Variants in ZNF614 observed in about 807,000 individuals in gnomAD.
ZNF614 encodes the protein zinc finger protein 614.
ZNF614 carries 11 observed loss-of-function variants against 12.8 expected under a neutral mutation model. The observed-to-expected ratio is 0.86, with a 90% CI of 0.54 to 1.43. ZNF614 has a LOEUF of 1.43. Among genes scored for constraint, ZNF614 ranks in the 40% most tolerant of loss-of-function variants. The pLI is 0.00. For missense variants in ZNF614, 664 were observed against 708.8 expected (o/e 0.94, Z 0.72); for synonymous variants, 237 against 237.5 (o/e 1.00, Z 0.02).
At position 52,017,426 on chromosome 19, in the gene ZNF614, G is replaced by A. The variant is rs563303948; in HGVS notation, c.239-67C>T. ...ATGAGATAAAAATGCTTATGAGGCC[G>A]GGCACGGTGGCTCATGCCTGCAATC... is the stretch of plus-strand genomic sequence containing the variant. On this transcript the variant is annotated intron_variant, in intron 4 of 4. Transcript: ENST00000270649. The A allele has an allele frequency of 9.8e-6, 14 of 1,434,516 alleles. 1 individual carries two copies. The highest frequency in any genetic ancestry group is 2.0e-4 in the Middle Eastern group (1 of 5,038). 88.9% of individuals were successfully genotyped at this position (1,434,516 alleles called of 1,614,324 possible).
intron 2 of ZNF614, among the ~76,000 whole-genome samples, chr19:52,024,150 T>G (rs2086953861): frequency 6.6e-6 from 1 of 152,140 alleles, no homozygotes; most frequent in Admixed American, 6.6e-5. Flanking sequence ...CTTTTCCAAC[T>G]GGCCATTCCT....
At chr19:52,017,399 G>A in intron 4 of ZNF614, 40 bp from the exon 5 acceptor site, 1 of 1,535,924 alleles carries the variant, frequency 6.5e-7, no homozygotes, top group Non-Finnish European at 8.7e-7. Flanking sequence ...CATGAGAATT[G>A]TATGAGATAA....
chr19:52,021,513 G>C lies in ZNF614; in HGVS notation c.16-3019C>G, dbSNP rs566446475. Among the ~76,000 whole-genome samples the C allele has an allele frequency of 3.9e-5, 6 of 152,234 alleles. No homozygotes were observed. In the East Asian group the frequency reaches 7.7e-4, roughly 20 times the overall value. The stretch of plus-strand genomic sequence containing the variant: ...ATCTGTAATTACAGTACTTCCAGAG[G>C]AGAGTTTGAGCCCAGGAGTTTGAGA... On this transcript the variant is annotated intron_variant, in intron 2 of 4. Coordinates refer to ENST00000270649, the MANE Select transcript of ZNF614 (RefSeq NM_025040.4).
Position 52,013,415 on chromosome 19 carries a change from A to G in ZNF614, c.*2425T>C. ...GTGAATGGATAAACTACTACATCAA[A>G]TATGTATACTACTCTCAAATATAAA... is the stretch of plus-strand genomic sequence containing the variant. On this transcript the variant is annotated 3_prime_UTR_variant, in exon 5 of 5. Coordinates refer to ENST00000270649, the MANE Select transcript of ZNF614 (RefSeq NM_025040.4). 1 of 229,512 alleles carries G rather than the reference A, an allele frequency of 4.4e-6. No homozygotes were observed. Among genetic ancestry groups the G allele is most frequent in the Non-Finnish European group, 8.8e-6 (1 of 113,192 alleles). The allele number at this position is 229,512 out of a possible 1,614,324, so 14.2% of individuals were successfully genotyped here.
In ZNF614 at chr19:52,013,544, C is replaced by T. The variant is rs1410593221; in HGVS notation, c.*2296G>A. 6.6e-6 allele frequency: 1 copy of T among 151,944 alleles called. No individual in the cohort carries two copies. The highest frequency in any genetic ancestry group is 1.5e-5 in the Non-Finnish European group (1 of 68,026). 9.4% of individuals were successfully genotyped at this position (151,944 alleles called of 1,614,324 possible). A position where few individuals can be genotyped will look rare whatever the true frequency, so the allele number is the denominator to read the frequency against. On this transcript the variant is annotated 3_prime_UTR_variant, in exon 5 of 5. Coordinates refer to ENST00000270649, the MANE Select transcript of ZNF614 (RefSeq NM_025040.4). ...AGTAATTTGCTGAGTGACAAAAATG[C>T]CAAAAGCTTACATACTCTCTATCAA...
In ZNF614 at chr19:52,015,620, TA is replaced by T. The variant is rs997972784; in HGVS notation, c.*219del. 3.8e-5 allele frequency: 18 copies of T among 467,736 alleles called. No individual in the cohort carries two copies. The highest frequency in any genetic ancestry group is 2.9e-4 in the African/African-American group (15 of 51,032). 29.0% of individuals were successfully genotyped at this position (467,736 alleles called of 1,614,324 possible). A position where few individuals can be genotyped will look rare whatever the true frequency, so the allele number is the denominator to read the frequency against. On this transcript the variant is annotated 3_prime_UTR_variant, in exon 5 of 5. Transcript: ENST00000270649. The stretch of plus-strand genomic sequence containing the variant: ...ATTTTCATTGACAGAAAATATGAGG[TA>T]AAAGACCACTAAAGGCACTACCTTA...
chr19:52,024,837 T>C (rs1418608189), intron 2 of ZNF614, among the ~76,000 whole-genome samples: 2 of 152,146 alleles, frequency 1.3e-5, no homozygotes, highest in Admixed American at 6.5e-5. Context: ...TCTTCCCAAG[T>C]GATAGCCTGA....
At chr19:52,020,248 G>A (rs768547330) in intron 2 of ZNF614, among the ~76,000 whole-genome samples, 13 of 152,306 alleles carry the variant, frequency 8.5e-5, no homozygotes, top group Non-Finnish European at 1.6e-4. Flanking sequence ...CAACTCCAGC[G>A]AGCTGGCTAC....
chr19:52,018,217 G>C, intron 3 of ZNF614, 114 bp from the exon 4 acceptor site: 1 of 1,458,896 alleles, frequency 6.9e-7, no homozygotes, highest in Non-Finnish European at 9.6e-7. Flanking sequence ...TTCTGTCTTA[G>C]AAGAGATTAT....
At chr19:52,023,877 T>C (rs2086951396) in intron 2 of ZNF614, among the ~76,000 whole-genome samples, 1 of 152,120 alleles carries the variant, frequency 6.6e-6, no homozygotes, top group South Asian at 2.1e-4. Flanking sequence ...GGAACCAACC[T>C]TGTGACAGAC....
Position 52,015,834 on chromosome 19 carries a change from A to G in ZNF614, c.*6T>C, listed in dbSNP as rs199963700. ...CGGCACTAGTAGGGTTTTCTTCTGC[A>G]TGAGTTCACTTATAAGGAAGGAGCT... On this transcript the variant is annotated 3_prime_UTR_variant, in exon 5 of 5. Coordinates refer to ENST00000270649, the MANE Select transcript of ZNF614 (RefSeq NM_025040.4). 2 of 1,596,184 alleles carry G rather than the reference A, an allele frequency of 1.3e-6. No individual in the cohort carries two copies. Among genetic ancestry groups the G allele is most frequent in the African/African-American group, 1.3e-5 (1 of 74,154 alleles).
chr19:52,025,445 T>C (rs1483497165), intron 2 of ZNF614, among the ~76,000 whole-genome samples: 3 of 152,160 alleles, frequency 2.0e-5, no homozygotes, highest in South Asian at 2.1e-4. Context: ...CACCTTAGCC[T>C]CCCGAGTAGC....
chr19:52,017,950 T>C lies in ZNF614; in HGVS notation c.238+58A>G. The C allele has an allele frequency of 3.7e-6, 5 of 1,360,432 alleles. No homozygotes were observed. The South Asian group carries it at 6.0e-5, about 16-fold the overall frequency. The allele number at this position is 1,360,432 out of a possible 1,614,324, so 84.3% of individuals were successfully genotyped here. A position where few individuals can be genotyped will look rare whatever the true frequency, so the allele number is the denominator to read the frequency against. ...CAGATACTTCATATATGTGACACCT[T>C]TCCTTAATGACTACAATAAGACTCC... On this transcript the variant is annotated intron_variant, in intron 4 of 4. Transcript: ENST00000270649.
At position 52,017,203 on chromosome 19, in the gene ZNF614, A is replaced by G; in HGVS notation, c.395T>C (p.Leu132Ser). 6.2e-7 allele frequency: 1 copy of G among 1,614,170 alleles called. No homozygotes were observed. Among genetic ancestry groups the G allele is most frequent in the Non-Finnish European group, 8.5e-7 (1 of 1,180,040 alleles). The change falls in exon 5 of 5, where the codon TTG becomes TCG. Residue 132 changes from leucine to serine, a missense_variant. By Grantham distance (145) the Leu-to-Ser change is moderately radical (BLOSUM62 -2). Transcript: ENST00000270649. ...PIVQNHDTFD[L>S]YRKNLKSSLS... Reference sequence around the variant, plus strand: ...ACTTGATTTCAAATTTTTTCTGTACAAGTCAAATGTATCATGATTTTGCAC... The same window carrying G: ...ACTTGATTTCAAATTTTTTCTGTACGAGTCAAATGTATCATGATTTTGCAC...
chr19:52,019,020 T>C (rs1319362195), intron 2 of ZNF614, among the ~76,000 whole-genome samples: 1 of 152,118 alleles, frequency 6.6e-6, no homozygotes, highest in Admixed American at 6.6e-5. Flanking sequence ...AGGTGGATGC[T>C]ACTACCAATT....
chr19:52,017,246 T>C lies in ZNF614; in HGVS notation c.352A>G (p.Lys118Glu). The stretch of plus-strand genomic sequence containing the variant: ...TTTTGCACTATAGGAAAATGTGTCT[T>C]GCTGAGATGTACAATATTTCTAAGT... ...NTLRNIVHLS[K>E]THFPIVQNHD... The change falls in exon 5 of 5, where the codon AAG becomes GAG. Residue 118 changes from lysine (K) to glutamate (E), a missense_variant. By Grantham distance (56) the Lys-to-Glu change is moderately conservative (BLOSUM62 1). Coordinates refer to ENST00000270649, the MANE Select transcript of ZNF614 (RefSeq NM_025040.4). The C allele has an allele frequency of 1.2e-6, 2 of 1,614,128 alleles. No homozygotes were observed. The highest frequency in any genetic ancestry group is 2.2e-5 in the South Asian group (2 of 91,084).
chr19:52,017,068 G>A lies in ZNF614; in HGVS notation c.530C>T (p.Thr177Ile), dbSNP rs757845954. Residue 177 changes from threonine (T) to isoleucine (I), a missense_variant, in exon 5 of 5, where the codon ACT (threonine) becomes ATT (isoleucine). Coordinates refer to ENST00000270649, the MANE Select transcript of ZNF614 (RefSeq NM_025040.4). ...HGKHERTHTK[T>I]RFSENAKCIH... ...ACATTTTGCATTTTCAGAAAATCTAGTTTTAGTATGCGTACGTTCATGCTT... is the reference window on the plus strand; with the variant it reads ...ACATTTTGCATTTTCAGAAAATCTAATTTTAGTATGCGTACGTTCATGCTT... 1 of 1,614,116 alleles carries A rather than the reference G, an allele frequency of 6.2e-7. No homozygotes were observed. Among genetic ancestry groups the A allele is most frequent in the South Asian group, 1.1e-5 (1 of 91,082 alleles).
At chr19:52,026,920 C>A (rs1215929709) in intron 1 of ZNF614, among the ~76,000 whole-genome samples, 1 of 152,202 alleles carries the variant, frequency 6.6e-6, no homozygotes, top group Non-Finnish European at 1.5e-5. Flanking sequence ...CACATGTTTT[C>A]CTGCTGACCC....
At chr19:52,025,448 C>T (rs1600040175) in intron 2 of ZNF614, among the ~76,000 whole-genome samples, 2 of 152,036 alleles carry the variant, frequency 1.3e-5, no homozygotes, top group Non-Finnish European at 2.9e-5. Context: ...CTTAGCCTCC[C>T]GAGTAGCTGG....
Sources: allele counts gnomAD v4.1 joint callset (sites outside exome capture counted in the v4.1 genomes callset), GRCh38; gene constraint gnomAD v4.1.1; transcripts MANE v1.5; gene names NCBI Gene and HGNC (gene_info 2026-07-23, HGNC 2026-07-21).